The following DENND6A variants were observed in gnomAD, a reference collection of about 807,000 sequenced individuals.
DENND6A encodes the protein protein DENND6A.
Under a neutral mutation model 95.5 loss-of-function variants are expected in DENND6A, and 43 were observed. That is an observed-to-expected ratio of 0.45 (90% confidence interval 0.35 to 0.58). The LOEUF (loss-of-function observed/expected upper bound fraction) is 0.58, where lower values mean the gene tolerates loss of function less well. Among genes scored for constraint, DENND6A ranks in the 20% least tolerant of loss-of-function variants. The probability of loss-of-function intolerance (pLI) is 0.00; values close to 1 mark genes in which losing one functional copy is unlikely to be tolerated. For synonymous variants in DENND6A, 257 were observed against 260.4 expected, an observed-to-expected ratio of 0.99 and a Z score of 0.13; for missense variants, 574 against 736.0, an observed-to-expected ratio of 0.78 and a Z score of 2.55.
rs1575806857 is a variant in DENND6A, at chr3:57,627,988, C to G, written c.*226G>C. ...GAACATGATTAAAAATATAGAAATG[C>G]CTTTCGGTGTTTCAGTATTAAAGTG... On this transcript the variant is annotated 3_prime_UTR_variant, in exon 20 of 20. Coordinates refer to ENST00000311128, the MANE Select transcript of DENND6A (RefSeq NM_152678.3). 1 of 464,812 alleles carries G rather than the reference C, an allele frequency of 2.2e-6. No homozygotes were observed. Among genetic ancestry groups the G allele is most frequent in the Non-Finnish European group, 3.6e-6 (1 of 275,216 alleles). 28.8% of individuals were successfully genotyped at this position (464,812 alleles called of 1,614,324 possible). A position where few individuals can be genotyped will look rare whatever the true frequency, so the allele number is the denominator to read the frequency against.
intron 1 of DENND6A, among the ~76,000 whole-genome samples, chr3:57,690,651 T>G (rs975146779): frequency 3.4e-5 from 5 of 148,410 alleles, no homozygotes; most frequent in Admixed American, 6.8e-5. Flanking sequence ...ACCACTGCAC[T>G]CCAGCCTGGC....
intron 12 of DENND6A, among the ~76,000 whole-genome samples, chr3:57,640,217 C>T (rs368422110): frequency 6.1e-5 from 9 of 147,420 alleles, no homozygotes; most frequent in East Asian, 6.0e-4. Context: ...TGCAGTGAGC[C>T]GAGATCATGC....
chr3:57,692,942 C>T lies in DENND6A; in HGVS notation c.77G>A (p.Gly26Asp), dbSNP rs1186152006. The T allele has an allele frequency of 5.2e-6, 8 of 1,552,444 alleles. No individual in the cohort carries two copies. Among genetic ancestry groups the T allele is most frequent in the Non-Finnish European group, 6.9e-6 (8 of 1,156,488 alleles). ...PLDEAVAGAE[G>D]REAPALVAAG... The stretch of plus-strand genomic sequence containing the variant: ...CGCCACAAGGGCCGGCGCCTCGCGG[C>T]CCTCGGCCCCTGCCACCGCTTCGTC... The change falls in exon 1 of 20, where the codon GGC becomes GAC. Residue 26 changes from glycine (G) to aspartate (D), a missense_variant. Gly to Asp is a moderately conservative substitution (Grantham distance 94). This residue lies in a region of DENND6A where 122 missense variants were observed against 105.1 expected (regional missense o/e 1.16). Transcript: ENST00000311128.
At chr3:57,670,293 G>A (rs1158331103) in intron 3 of DENND6A, among the ~76,000 whole-genome samples, 1 of 152,030 alleles carries the variant, frequency 6.6e-6, no homozygotes, top group Admixed American at 6.6e-5. Context: ...AAAGGCTTCA[G>A]AGAAAAAAAG....
At chr3:57,629,484 A>AAC (rs1004782528) in intron 18 of DENND6A, among the ~76,000 whole-genome samples, 18 of 151,306 alleles carry the variant, frequency 1.2e-4, no homozygotes, top group Admixed American at 1.1e-3. Flanking sequence ...GGTAATACAG[A>AAC]ACATAAAAAA....
chr3:57,625,824 C>G lies in DENND6A; in HGVS notation c.*2390G>C, dbSNP rs1310066896. The G allele has an allele frequency of 6.6e-6, 1 of 152,438 alleles. No homozygotes were observed. The highest frequency in any genetic ancestry group is 1.5e-5 in the Non-Finnish European group (1 of 68,002). The allele number at this position is 152,438 out of a possible 1,614,324, so 9.4% of individuals were successfully genotyped here. A position where few individuals can be genotyped will look rare whatever the true frequency, so the allele number is the denominator to read the frequency against. On this transcript the variant is annotated 3_prime_UTR_variant, in exon 20 of 20. Coordinates refer to ENST00000311128, the MANE Select transcript of DENND6A (RefSeq NM_152678.3). ...TTAAATACAGTAAAAATGAAGACAC[C>G]ATTATCATGCTAATTGGCATCTTTT...
At chr3:57,655,158 T>A (rs1211623178) in intron 9 of DENND6A, among the ~76,000 whole-genome samples, 2 of 152,032 alleles carry the variant, frequency 1.3e-5, no homozygotes, top group African/African-American at 4.8e-5. Flanking sequence ...CTCAGCCTCC[T>A]GAGTAGCTGA....
At position 57,627,642 on chromosome 3, in the gene DENND6A, A is replaced by G. The variant is rs528699232; in HGVS notation, c.*572T>C. On this transcript the variant is annotated 3_prime_UTR_variant, in exon 20 of 20. Transcript: ENST00000311128. ...GGGTAGCAAGAAACTTTTTTTTTAAACAATGATCACTCAACAGAATACCTT... is the reference window on the plus strand; with the variant it reads ...GGGTAGCAAGAAACTTTTTTTTTAAGCAATGATCACTCAACAGAATACCTT... 14 of 152,626 alleles carry G rather than the reference A, an allele frequency of 9.2e-5. No homozygotes were observed. The highest frequency in any genetic ancestry group is 3.4e-4 in the African/African-American group (14 of 41,568). 9.5% of individuals were successfully genotyped at this position (152,626 alleles called of 1,614,324 possible). A position where few individuals can be genotyped will look rare whatever the true frequency, so the allele number is the denominator to read the frequency against.
chr3:57,642,183 G>A (rs2070957931), intron 11 of DENND6A, among the ~76,000 whole-genome samples: 1 of 151,794 alleles, frequency 6.6e-6, no homozygotes, highest in South Asian at 2.1e-4. Flanking sequence ...GCGTACTGGT[G>A]GGCACCTGTA....
At chr3:57,637,810 A>G (rs1425504844) in intron 12 of DENND6A, among the ~76,000 whole-genome samples, 2 of 63,118 alleles carry the variant, frequency 3.2e-5, no homozygotes, top group East Asian at 0.017. Context: ...GAAAACAAAA[A>G]AAATAAATAA....
chr3:57,676,240 C>T (rs2071706648), intron 1 of DENND6A, among the ~76,000 whole-genome samples: 1 of 151,884 alleles, frequency 6.6e-6, no homozygotes, highest in Non-Finnish European at 1.5e-5. Context: ...CTTAGCCAGG[C>T]ATGGTGGTGG....
chr3:57,689,092 C>A (rs921892502), intron 1 of DENND6A, among the ~76,000 whole-genome samples: 2 of 151,910 alleles, frequency 1.3e-5, no homozygotes, highest in African/African-American at 2.4e-5. Context: ...GTAGCTGGGA[C>A]TACAGGTGTA....
At chr3:57,674,812 T>C (rs2071682773) in intron 1 of DENND6A, among the ~76,000 whole-genome samples, 1 of 152,232 alleles carries the variant, frequency 6.6e-6, no homozygotes, top group Non-Finnish European at 1.5e-5. Flanking sequence ...TGGGATCATG[T>C]CTTTTATGGG....
chr3:57,668,830 A>G (rs1298667878), intron 3 of DENND6A, among the ~76,000 whole-genome samples: 1 of 152,222 alleles, frequency 6.6e-6, no homozygotes, highest in African/African-American at 2.4e-5. Flanking sequence ...CAGCAATTAA[A>G]GGTTATCCTG....
In DENND6A at chr3:57,626,980, A is replaced by T. The variant is rs1343423575; in HGVS notation, c.*1234T>A. On this transcript the variant is annotated 3_prime_UTR_variant, in exon 20 of 20. Transcript: ENST00000311128. ...AATAATGCCAGAAATCAATCTTATCATCACTCAAATAAGTATCACATAAAA... is the reference window on the plus strand; with the variant it reads ...AATAATGCCAGAAATCAATCTTATCTTCACTCAAATAAGTATCACATAAAA... 1.3e-5 allele frequency: 2 copies of T among 152,192 alleles called. No homozygotes were observed. Among genetic ancestry groups the T allele is most frequent in the Admixed American group, 6.5e-5 (1 of 15,268 alleles). The allele number at this position is 152,192 out of a possible 1,614,324, so 9.4% of individuals were successfully genotyped here. A position where few individuals can be genotyped will look rare whatever the true frequency, so the allele number is the denominator to read the frequency against.
At chr3:57,644,167 A>C (rs1018936705) in intron 11 of DENND6A, among the ~76,000 whole-genome samples, 6 of 151,786 alleles carry the variant, frequency 4.0e-5, no homozygotes, top group Non-Finnish European at 7.4e-5. Context: ...AAAAAAAAAA[A>C]CTATCAGTCT....
intron 9 of DENND6A, among the ~76,000 whole-genome samples, chr3:57,647,673 G>T (rs2071107505): frequency 1.3e-5 from 2 of 152,110 alleles, no homozygotes; most frequent in Admixed American, 1.3e-4. Flanking sequence ...AGAAATGAGG[G>T]TATCTCCATG....
In DENND6A at chr3:57,627,389, C is replaced by T. The variant is rs1196831457; in HGVS notation, c.*825G>A. On this transcript the variant is annotated 3_prime_UTR_variant, in exon 20 of 20. Coordinates refer to ENST00000311128, the MANE Select transcript of DENND6A (RefSeq NM_152678.3). ...GGACTCTCGACCTTAAGTGACCTGT[C>T]CACCTTGGCCTCCCAAAGTGCTAGG... 2.0e-5 allele frequency: 3 copies of T among 152,196 alleles called. No individual in the cohort carries two copies. The highest frequency in any genetic ancestry group is 7.2e-5 in the African/African-American group (3 of 41,504). 9.4% of individuals were successfully genotyped at this position (152,196 alleles called of 1,614,324 possible). A position where few individuals can be genotyped will look rare whatever the true frequency, so the allele number is the denominator to read the frequency against.
intron 5 of DENND6A, 23 bp downstream of exon 5, chr3:57,663,613 T>C: frequency 6.6e-7 from 1 of 1,511,564 alleles, no homozygotes; most frequent in Non-Finnish European, 8.9e-7. Context: ...AATACTTTTT[T>C]TATTAGTGTG....
Sources: allele counts gnomAD v4.1 joint callset (sites outside exome capture counted in the v4.1 genomes callset), GRCh38; gene constraint gnomAD v4.1.1; regional missense constraint gnomAD v4.1.1; transcripts MANE v1.5; gene names NCBI Gene and HGNC (gene_info 2026-07-23, HGNC 2026-07-21).